Variants in SGSM1 observed in about 807,000 individuals in gnomAD.
SGSM1 encodes RUN and TBC1 domain containing 2.
In SGSM1, 73 loss-of-function variants were observed where a neutral mutation model predicts 133.8. That is an observed-to-expected ratio of 0.55 (90% CI 0.45 to 0.66). The LOEUF is 0.66. Among genes scored for constraint, SGSM1 ranks in the 30% least tolerant of loss-of-function variants. The probability of loss-of-function intolerance (pLI) is 0.00; values close to 1 mark genes in which losing one functional copy is unlikely to be tolerated. For missense variants in SGSM1, 1,213 were observed against 1,448.1 expected, an observed-to-expected ratio of 0.84 and a Z score of 2.64; for synonymous variants, 563 against 573.0, an observed-to-expected ratio of 0.98 and a Z score of 0.25.
At chr22:24,817,003 T>A (rs1344381690) in intron 2 of SGSM1, among the ~76,000 whole-genome samples, 1 of 152,018 alleles carries the variant, frequency 6.6e-6, no homozygotes, top group Non-Finnish European at 1.5e-5. Context: ...CTCCACTTGG[T>A]CATGGGGGGG....
Position 24,806,270 on chromosome 22 carries a change from T to C in SGSM1, c.-56T>C. The C allele has an allele frequency of 7.2e-7, 1 of 1,397,512 alleles. No individual in the cohort carries two copies. Among genetic ancestry groups the C allele is most frequent in the Non-Finnish European group, 9.2e-7 (1 of 1,081,386 alleles). The allele number at this position is 1,397,512 out of a possible 1,614,324, so 86.6% of individuals were successfully genotyped here. A position where few individuals can be genotyped will look rare whatever the true frequency, so the allele number is the denominator to read the frequency against. On this transcript the variant is annotated 5_prime_UTR_variant, in exon 1 of 25. Transcript: ENST00000400358. ...GCAGCAGCGCCGCGGCCGGAGGAGC[T>C]ACCGCCGCCACCGCCGCCACCGCCT...
intron 5 of SGSM1, among the ~76,000 whole-genome samples, chr22:24,851,435 AG>A (rs150018574): frequency 0.28 from 19,736 of 70,234 alleles, 1,624 homozygotes; most frequent in South Asian, 0.35. Flanking sequence ...GCAGGAAGGG[AG>A]GGGGGGGTGG....
chr22:24,900,343 CTT>C (rs2123708570), intron 19 of SGSM1, among the ~76,000 whole-genome samples: 1 of 23,322 alleles, frequency 4.3e-5, no homozygotes, highest in Admixed American at 7.9e-4. Context: ...TTAACCTCTT[CTT>C]TCTTTCTTTC....
intron 13 of SGSM1, among the ~76,000 whole-genome samples, chr22:24,878,613 TC>T (rs1459974677): frequency 1.3e-5 from 2 of 152,202 alleles, no homozygotes; most frequent in Non-Finnish European, 2.9e-5. Context: ...TTCCATTCTA[TC>T]CTCTATGAGA....
chr22:24,868,834 C>A lies in SGSM1; in HGVS notation c.1270C>A (p.Pro424Thr). The change falls in exon 12 of 25, where the codon CCT becomes ACT. Residue 424 changes from proline to threonine, a missense_variant. Physicochemically the swap from Pro to Thr is conservative, Grantham distance 38. Coordinates refer to ENST00000400358, the MANE Select transcript of SGSM1 (RefSeq NM_001098497.3). ...GGATTATGTGTTCAGGATCATCTAC[C>A]CTGGCATGCAGTCGGAATTCGGTGA... Reference protein sequence around the residue: ...ATDYVFRIIYPGMQSEFVPQD... With the variant: ...ATDYVFRIIYTGMQSEFVPQD... 6.2e-7 allele frequency: 1 copy of A among 1,613,866 alleles called. No homozygotes were observed. The highest frequency in any genetic ancestry group is 2.2e-5 in the East Asian group (1 of 44,870).
chr22:24,870,460 T>A (rs905180098), intron 12 of SGSM1, among the ~76,000 whole-genome samples: 2 of 152,214 alleles, frequency 1.3e-5, no homozygotes, highest in African/African-American at 2.4e-5. Context: ...CAACAGGCAA[T>A]GTGTACACTC....
At chr22:24,880,512 G>A (rs1051995274) in intron 14 of SGSM1, among the ~76,000 whole-genome samples, 1 of 152,162 alleles carries the variant, frequency 6.6e-6, no homozygotes. Flanking sequence ...TGTATTTTCA[G>A]GAATTCTAGA....
chr22:24,919,348 C>A (rs370051077), intron 23 of SGSM1, among the ~76,000 whole-genome samples: 3 of 152,252 alleles, frequency 2.0e-5, no homozygotes, highest in African/African-American at 7.2e-5. Context: ...CCATGCCCAG[C>A]CAAAGGCTTG....
intron 21 of SGSM1, among the ~76,000 whole-genome samples, chr22:24,907,346 A>G (rs1265527990): frequency 6.6e-6 from 1 of 152,098 alleles, no homozygotes; most frequent in African/African-American, 2.4e-5. Flanking sequence ...CAGAAATGCA[A>G]GATTTGTACA....
chr22:24,841,900 A>AT lies in SGSM1; in HGVS notation c.64-2996dup, dbSNP rs565576978. ...GGTAAAGGAATTTGCCCAAGTTGTG[A>AT]TAAGTGTCTCATCCAGGATTTGAAC... is the stretch of plus-strand genomic sequence containing the variant. On this transcript the variant is annotated intron_variant, in intron 2 of 24. Coordinates refer to ENST00000400358, the MANE Select transcript of SGSM1 (RefSeq NM_001098497.3). 7.1e-3 allele frequency among the ~76,000 whole-genome samples: 1,081 copies of AT among 152,260 alleles called. 7 individuals are homozygous for AT. Among genetic ancestry groups the AT allele is most frequent in the Middle Eastern group, 0.017 (5 of 294 alleles).
At chr22:24,808,214 C>T (rs916785732) in intron 2 of SGSM1, among the ~76,000 whole-genome samples, 4 of 151,092 alleles carry the variant, frequency 2.6e-5, no homozygotes, top group South Asian at 2.1e-4. Flanking sequence ...CCTGGGTTCA[C>T]GCCATTCTCC....
intron 16 of SGSM1, among the ~76,000 whole-genome samples, chr22:24,890,217 A>G (rs190541669): frequency 1.3e-4 from 20 of 152,284 alleles, no homozygotes; most frequent in Admixed American, 2.0e-4. Context: ...TGGCCTCCCA[A>G]AGTCCTGGGA....
intron 19 of SGSM1, chr22:24,901,089 T>G (rs1245678590): frequency 6.6e-6 from 1 of 152,174 alleles, no homozygotes; most frequent in Non-Finnish European, 1.5e-5. Flanking sequence ...GGAGATAACA[T>G]TTACATTTAA....
chr22:24,827,561 T>C (rs911632889), intron 2 of SGSM1, among the ~76,000 whole-genome samples: 2 of 151,994 alleles, frequency 1.3e-5, no homozygotes, highest in South Asian at 2.1e-4. Flanking sequence ...GGCACTGAGC[T>C]GAAGGACGCC....
chr22:24,896,183 C>T (rs570766976), intron 18 of SGSM1, among the ~76,000 whole-genome samples: 2 of 151,820 alleles, frequency 1.3e-5, no homozygotes, highest in Non-Finnish European at 2.9e-5. Flanking sequence ...CAACCAGAAA[C>T]GAATCAGAAT....
At chr22:24,886,397 C>CAAAAA (rs139718) in intron 15 of SGSM1, among the ~76,000 whole-genome samples, 141,557 of 151,402 alleles carry the variant, frequency 0.93, 66,240 homozygotes, top group East Asian at 1. Context: ...CGCTCTGTCT[C>CAAAAA]AAAGAGAAGA....
At chr22:24,867,046 T>C in intron 9 of SGSM1, 47 bp from the exon 10 acceptor site, 1 of 1,592,344 alleles carries the variant, frequency 6.3e-7, no homozygotes, top group South Asian at 1.1e-5. Flanking sequence ...CTCCGCACAG[T>C]GGGGTAGGCA....
intron 15 of SGSM1, 44 bp downstream of exon 15, chr22:24,884,242 A>C (rs1555931394): frequency 1.3e-6 from 2 of 1,572,806 alleles, no homozygotes; most frequent in South Asian, 2.3e-5. Context: ...CAGAGGCTGC[A>C]GGGGGGTCAT....
At chr22:24,826,106 G>A (rs983537690) in intron 2 of SGSM1, among the ~76,000 whole-genome samples, 2 of 152,204 alleles carry the variant, frequency 1.3e-5, no homozygotes, top group African/African-American at 4.8e-5. Flanking sequence ...GATACTATGA[G>A]ATAGATTGTA....
Sources: allele counts gnomAD v4.1 joint callset (sites outside exome capture counted in the v4.1 genomes callset), GRCh38; gene constraint gnomAD v4.1.1; transcripts MANE v1.5; gene names NCBI Gene and HGNC (gene_info 2026-07-23, HGNC 2026-07-21).